Variants in LRP1B observed in about 807,000 individuals in gnomAD.
LRP1B encodes the protein LDL receptor related protein 1B, also known as low-density lipoprotein receptor-related protein 1B.
In LRP1B, 217 loss-of-function variants were observed where a neutral mutation model predicts 556.6. That is an observed-to-expected ratio of 0.39 (90% confidence interval 0.35 to 0.44). The LOEUF is 0.44. LRP1B is among the 20% of genes least tolerant of loss of function. The pLI is 1.00. For missense variants in LRP1B, 5,053 were observed against 5,620.8 expected (o/e 0.90, Z 3.23); for synonymous variants, 2,047 against 1,865.8 (o/e 1.10, Z -2.50).
chr2:141,378,718 G>T (rs1403157149), intron 3 of LRP1B, among the ~76,000 whole-genome samples: 1 of 152,152 alleles, frequency 6.6e-6, no homozygotes, highest in Non-Finnish European at 1.5e-5. Context: ...TTGAATAGCA[G>T]ATTTGAATAT....
intron 41 of LRP1B, among the ~76,000 whole-genome samples, chr2:140,675,021 G>T (rs1685622198): frequency 6.6e-6 from 1 of 152,156 alleles, no homozygotes. Flanking sequence ...GCTTCTAGAG[G>T]CTGATGGTAT....
At chr2:141,084,595 ATCTT>A (rs1371020342) in intron 7 of LRP1B, among the ~76,000 whole-genome samples, 3 of 151,230 alleles carry the variant, frequency 2.0e-5, no homozygotes, top group Non-Finnish European at 4.4e-5. Context: ...AAATGTACCT[ATCTT>A]TATTTCATCG....
At chr2:140,708,474 A>T (rs1686918037) in intron 37 of LRP1B, among the ~76,000 whole-genome samples, 1 of 150,638 alleles carries the variant, frequency 6.6e-6, no homozygotes, top group Admixed American at 6.6e-5. Context: ...AGAAGCGGAA[A>T]TTATTCACAA....
chr2:141,596,827 T>C (rs1200200453), intron 2 of LRP1B, among the ~76,000 whole-genome samples: 1 of 152,120 alleles, frequency 6.6e-6, no homozygotes, highest in East Asian at 1.9e-4. Flanking sequence ...ATGTGCCATA[T>C]GCCATTAAGA....
At chr2:141,192,055 G>A (rs62174286) in intron 6 of LRP1B, among the ~76,000 whole-genome samples, 4 of 151,882 alleles carry the variant, frequency 2.6e-5, no homozygotes, top group Non-Finnish European at 4.4e-5. Flanking sequence ...TTGAAGCATT[G>A]AGATCTCACT....
At chr2:141,240,707 C>T (rs1461070670) in intron 5 of LRP1B, among the ~76,000 whole-genome samples, 2 of 151,952 alleles carry the variant, frequency 1.3e-5, no homozygotes, top group East Asian at 3.9e-4. Flanking sequence ...GAAATTTCTG[C>T]CTATCTGTTG....
intron 1 of LRP1B, among the ~76,000 whole-genome samples, chr2:142,117,524 T>C (rs943553091): frequency 6.6e-6 from 1 of 152,112 alleles, no homozygotes; most frequent in African/African-American, 2.4e-5. Flanking sequence ...AGGGGTTGCA[T>C]AGTAAACCAC....
intron 41 of LRP1B, among the ~76,000 whole-genome samples, chr2:140,654,660 AAC>A (rs1465371799): frequency 5.3e-5 from 8 of 152,154 alleles, no homozygotes; most frequent in Non-Finnish European, 8.8e-5. Context: ...TTTCCCCGAT[AAC>A]ACAGACTGAC....
chr2:141,001,044 A>T (rs926166657), intron 15 of LRP1B, among the ~76,000 whole-genome samples: 2 of 151,608 alleles, frequency 1.3e-5, no homozygotes, highest in Non-Finnish European at 2.9e-5. Flanking sequence ...AACCGAAATT[A>T]AAAAACCAAG....
chr2:141,511,167 G>C (rs530948304), intron 2 of LRP1B, among the ~76,000 whole-genome samples: 11 of 152,208 alleles, frequency 7.2e-5, no homozygotes, highest in African/African-American at 2.6e-4. Flanking sequence ...AAAATATGTG[G>C]TGCAGTTATA....
chr2:140,374,034 T>G (rs943532307), intron 68 of LRP1B, among the ~76,000 whole-genome samples: 5 of 152,190 alleles, frequency 3.3e-5, no homozygotes, highest in Non-Finnish European at 5.9e-5. Context: ...CCTAAAGAGC[T>G]GTGAAATGAA....
chr2:140,663,692 G>A (rs1685172916), intron 41 of LRP1B, among the ~76,000 whole-genome samples: 1 of 152,086 alleles, frequency 6.6e-6, no homozygotes, highest in Admixed American at 6.5e-5. Flanking sequence ...CAGCAAGAAG[G>A]GTACTGTATT....
chr2:141,923,222 A>G (rs1700234442), intron 1 of LRP1B, among the ~76,000 whole-genome samples: 1 of 151,926 alleles, frequency 6.6e-6, no homozygotes, highest in African/African-American at 2.4e-5. Context: ...GGTGAATATT[A>G]TAACAGTTAC....
chr2:140,256,522 G>T (rs185043231), intron 86 of LRP1B, among the ~76,000 whole-genome samples: 57 of 123,196 alleles, frequency 4.6e-4, no homozygotes, highest in African/African-American at 1.1e-3. Flanking sequence ...AGGCTGGAGT[G>T]CAGTGGCGCG....
chr2:140,962,095 G>C (rs1184559130), intron 18 of LRP1B, among the ~76,000 whole-genome samples: 1 of 152,200 alleles, frequency 6.6e-6, no homozygotes, highest in Non-Finnish European at 1.5e-5. Context: ...AAATTGAATA[G>C]AGAATGGGTA....
intron 34 of LRP1B, 109 bp downstream of exon 34, chr2:140,770,772 G>A: frequency 2.5e-6 from 2 of 802,912 alleles, no homozygotes; most frequent in Non-Finnish European, 1.9e-6. Context: ...CTAATAACTA[G>A]TTAATTTTTT....
chr2:141,616,583 T>C (rs912276311), intron 2 of LRP1B, among the ~76,000 whole-genome samples: 1 of 152,222 alleles, frequency 6.6e-6, no homozygotes, highest in Non-Finnish European at 1.5e-5. Context: ...ATGCAAAGGC[T>C]AACAATTATT....
chr2:141,126,276 C>A (rs1420256387), intron 7 of LRP1B, among the ~76,000 whole-genome samples: 2 of 152,126 alleles, frequency 1.3e-5, no homozygotes, highest in Non-Finnish European at 2.9e-5. Context: ...TCAGGTGATG[C>A]ACCCGCCTCG....
intron 3 of LRP1B, among the ~76,000 whole-genome samples, chr2:141,330,468 TTAGAA>T (rs2105491240): frequency 6.6e-6 from 1 of 152,298 alleles, no homozygotes; most frequent in South Asian, 2.1e-4. Flanking sequence ...ACATCAACTT[TTAGAA>T]TAGACATATT....
Sources: gnomAD v4.1 joint callset for allele counts (sites outside exome capture counted in the v4.1 genomes callset) on GRCh38, gnomAD v4.1.1 for gene constraint, MANE v1.5 for transcripts, NCBI Gene and HGNC (gene_info 2026-07-23, HGNC 2026-07-21) for gene names.